PDE1A: variants seen among roughly 807,000 people sequenced by gnomAD.
PDE1A encodes the protein dual specificity calcium/calmodulin-dependent 3',5'-cyclic nucleotide phosphodiesterase 1A.
Under a neutral mutation model 61.7 loss-of-function variants are expected in PDE1A, and 35 were observed. That is an observed-to-expected ratio of 0.57 (90% CI 0.43 to 0.75). The LOEUF is 0.75. Ranked by LOEUF, PDE1A falls within the 30% of genes least tolerant of loss-of-function variation. PDE1A has a pLI of 0.00. For synonymous variants in PDE1A, 232 were observed against 213.2 expected, an observed-to-expected ratio of 1.09 and a Z score of -0.77; for missense variants, 597 against 630.6, an observed-to-expected ratio of 0.95 and a Z score of 0.57.
chr2:182,366,369 A>T (rs1574464838), intron 1 of PDE1A, among the ~76,000 whole-genome samples: 1 of 151,962 alleles, frequency 6.6e-6, no homozygotes, highest in African/African-American at 2.4e-5. Flanking sequence ...TTTATGGGTG[A>T]GGTGACATTT....
At chr2:182,690,852 T>C in the PDE1A span, among the ~76,000 whole-genome samples, 1 of 152,154 alleles carries the variant, frequency 6.6e-6, no homozygotes, top group Admixed American at 6.5e-5. Context: ...AAAATCAATG[T>C]ACAAAAATCA....
At chr2:182,692,421 A>T in the PDE1A span, among the ~76,000 whole-genome samples, 1 of 152,082 alleles carries the variant, frequency 6.6e-6, no homozygotes, top group African/African-American at 2.4e-5. Context: ...TTGCAAGGAT[A>T]AAAAACCAAA....
chr2:182,497,722 C>T (rs144599844), intron 2 of PDE1A, among the ~76,000 whole-genome samples: 34 of 152,136 alleles, frequency 2.2e-4, no homozygotes, highest in Middle Eastern at 6.8e-3. Context: ...ACACAGGTAC[C>T]GGCATTTGGT....
At chr2:182,583,684 G>T in the PDE1A span, among the ~76,000 whole-genome samples, 1 of 152,156 alleles carries the variant, frequency 6.6e-6, no homozygotes, top group African/African-American at 2.4e-5. Flanking sequence ...AGTCTTCCTT[G>T]CCTGTTTAAC....
At chr2:182,607,275 A>G in the PDE1A span, among the ~76,000 whole-genome samples, 1 of 152,192 alleles carries the variant, frequency 6.6e-6, no homozygotes, top group African/African-American at 2.4e-5. Context: ...AAGTTTTAAG[A>G]TTGGGAGGGC....
chr2:182,403,561 T>C (rs371406783), intron 1 of PDE1A, among the ~76,000 whole-genome samples: 5 of 143,024 alleles, frequency 3.5e-5, no homozygotes, highest in African/African-American at 1.3e-4. Context: ...ATCGCGCCAC[T>C]GCACTCCAGC....
chr2:182,357,803 A>C (rs1429987652), intron 1 of PDE1A, among the ~76,000 whole-genome samples: 1 of 152,230 alleles, frequency 6.6e-6, no homozygotes, highest in African/African-American at 2.4e-5. Flanking sequence ...ATTTTAATTT[A>C]AATTGCTCCA....
At chr2:182,375,041 T>G (rs1263345506) in intron 1 of PDE1A, among the ~76,000 whole-genome samples, 1 of 152,186 alleles carries the variant, frequency 6.6e-6, no homozygotes, top group Non-Finnish European at 1.5e-5. Context: ...TGTGGGAAAC[T>G]GCTCCCATTA....
intron 2 of PDE1A, among the ~76,000 whole-genome samples, chr2:182,495,118 T>C (rs1279634031): frequency 2.0e-5 from 3 of 152,186 alleles, no homozygotes; most frequent in Non-Finnish European, 4.4e-5. Flanking sequence ...AAGGTGCACG[T>C]GGCCGGCAGA....
intron 1 of PDE1A, among the ~76,000 whole-genome samples, chr2:182,318,405 C>T (rs1007698344): frequency 3.3e-5 from 5 of 152,166 alleles, no homozygotes; most frequent in Non-Finnish European, 7.4e-5. Flanking sequence ...TCCTAATCTT[C>T]ATATCGAGAA....
chr2:182,712,266 G>A, the PDE1A span, among the ~76,000 whole-genome samples: 1 of 152,220 alleles, frequency 6.6e-6, no homozygotes. Flanking sequence ...ACACTAAATT[G>A]AAACAAGTAG....
chr2:182,536,244 C>T, the PDE1A span, among the ~76,000 whole-genome samples: 1 of 152,292 alleles, frequency 6.6e-6, no homozygotes, highest in Admixed American at 6.5e-5. Flanking sequence ...GAAGCATGTA[C>T]TTTCTTTTTT....
rs1344042111 is a variant in PDE1A at position 182,364,529 on chromosome 2, T to C, written c.53+62049A>G. ...ATTCTGAATTATTTGCTAGGAATCT[T>C]ACCCCTTGCAGGAAAAGCTAGTACA... On this transcript the variant is annotated intron_variant, in intron 1 of 13. Transcript: ENST00000351439. Among the ~76,000 whole-genome samples, 3 of 137,448 alleles carry C rather than the reference T, an allele frequency of 2.2e-5. No homozygotes were observed. The Admixed American group carries it at 2.3e-4, about 10-fold the overall frequency. The allele number at this position is 137,448 out of a possible 152,430, so 90.2% of individuals were successfully genotyped here. A position where few individuals can be genotyped will look rare whatever the true frequency, so the allele number is the denominator to read the frequency against.
At chr2:182,563,514 GA>G in the PDE1A span, among the ~76,000 whole-genome samples, 28 of 152,210 alleles carry the variant, frequency 1.8e-4, no homozygotes, top group South Asian at 5.6e-3. Flanking sequence ...GTGCAGTGCT[GA>G]AAAAAATGTA....
chr2:182,279,773 T>C (rs1032259736), intron 1 of PDE1A, among the ~76,000 whole-genome samples: 5 of 151,904 alleles, frequency 3.3e-5, no homozygotes, highest in African/African-American at 7.2e-5. Flanking sequence ...GAAATCTTTT[T>C]ATAAAAATTA....
At chr2:182,193,418 G>A (rs1043349114) in intron 10 of PDE1A, among the ~76,000 whole-genome samples, 5 of 152,100 alleles carry the variant, frequency 3.3e-5, no homozygotes, top group African/African-American at 1.2e-4. Flanking sequence ...GGAATCCCCT[G>A]ACCACAGGGA....
intron 6 of PDE1A, among the ~76,000 whole-genome samples, chr2:182,228,515 A>G (rs1158723871): frequency 6.6e-6 from 1 of 152,130 alleles, no homozygotes; most frequent in Admixed American, 6.6e-5. Flanking sequence ...TTTTTTCCTA[A>G]TGAAAATTTC....
chr2:182,313,791 T>C (rs963330111), intron 1 of PDE1A, among the ~76,000 whole-genome samples: 2 of 152,136 alleles, frequency 1.3e-5, no homozygotes, highest in Admixed American at 6.6e-5. Context: ...GGAGATAATA[T>C]GAAGAAGTCC....
At chr2:182,594,100 T>A in the PDE1A span, among the ~76,000 whole-genome samples, 1 of 152,220 alleles carries the variant, frequency 6.6e-6, no homozygotes. Flanking sequence ...AAAGACCTGC[T>A]GAAATAATAA....
Sources: gnomAD v4.1 joint callset for allele counts (sites outside exome capture counted in the v4.1 genomes callset) on GRCh38, gnomAD v4.1.1 for gene constraint, MANE v1.5 for transcripts, NCBI Gene and HGNC (gene_info 2026-07-23, HGNC 2026-07-21) for gene names.